The following WLS variants were observed in gnomAD, a reference collection of about 807,000 sequenced individuals.
The protein encoded by WLS is protein wntless homolog.
A neutral mutation model predicts 62.8 loss-of-function variants in WLS; 23 were observed. The ratio of observed to expected loss-of-function variants is 0.37; its 90% CI spans 0.26 to 0.52. WLS has a LOEUF of 0.52. Among genes scored for constraint, WLS ranks in the 20% least tolerant of loss-of-function variants. The pLI is 0.92. For missense variants in WLS, 615 were observed against 697.3 expected (o/e 0.88, Z 1.33); for synonymous variants, 246 against 244.1 (o/e 1.01, Z -0.07).
chr1:68,101,185 A>AG (rs1646073120), intron 11 of WLS, among the ~76,000 whole-genome samples: 1 of 152,204 alleles, frequency 6.6e-6, no homozygotes, highest in African/African-American at 2.4e-5. Context: ...TTCAGTTAAC[A>AG]GTAACATGGG....
intron 1 of WLS, among the ~76,000 whole-genome samples, chr1:68,226,322 T>A (rs759691522): frequency 8.5e-5 from 13 of 152,246 alleles, no homozygotes; most frequent in Non-Finnish European, 1.6e-4. Flanking sequence ...AGCTAGGTAA[T>A]CTTGTGCAGT....
intron 2 of WLS, among the ~76,000 whole-genome samples, chr1:68,191,756 A>G (rs1034365259): frequency 4.6e-5 from 7 of 152,324 alleles, no homozygotes; most frequent in African/African-American, 1.7e-4. Flanking sequence ...TAAAAGCTTG[A>G]GGCTGTTGTG....
intron 1 of WLS, 145 bp downstream of exon 1, chr1:68,232,046 TGGA>T: frequency 9.4e-7 from 1 of 1,060,622 alleles, no homozygotes; most frequent in Non-Finnish European, 1.3e-6. Context: ...CGGAGCCCCA[TGGA>T]GCTCTGCTTT....
intron 2 of WLS, among the ~76,000 whole-genome samples, chr1:68,173,859 C>A (rs559209936): frequency 8.5e-5 from 13 of 152,064 alleles, no homozygotes; most frequent in Non-Finnish European, 1.6e-4. Context: ...AGAGTCATGA[C>A]GTTTTTCTAG....
chr1:68,170,463 C>T (rs145572440), intron 2 of WLS, among the ~76,000 whole-genome samples: 109 of 152,136 alleles, frequency 7.2e-4, no homozygotes, highest in East Asian at 3.5e-3. Context: ...CCACCGCGCT[C>T]GGCCGCTGGC....
rs11290966 is a variant in WLS, at chr1:68,110,007, T to TAAAAAAA, written c.1511-11261_1511-11255dup. ...TTGCACTGGAACACAACACAAAAAG[T>TAAAAAAA]AAAAAAAAAAAAAAAAAAAAAAAAA... is the stretch of plus-strand genomic sequence containing the variant. On this transcript the variant is annotated intron_variant, in intron 11 of 11. Transcript: ENST00000354777. 3.7e-3 allele frequency among the ~76,000 whole-genome samples: 104 copies of TAAAAAAA among 28,336 alleles called. 2 individuals are homozygous for TAAAAAAA. Among genetic ancestry groups the TAAAAAAA allele is most frequent in the Non-Finnish European group, 4.3e-3 (68 of 15,912 alleles). 18.6% of individuals were successfully genotyped at this position (28,336 alleles called of 152,430 possible).
At chr1:68,152,961 C>T (rs1037454733) in intron 5 of WLS, among the ~76,000 whole-genome samples, 3 of 152,062 alleles carry the variant, frequency 2.0e-5, no homozygotes, top group East Asian at 1.9e-4. Flanking sequence ...CGGAATATCC[C>T]GAAGAGCAAA....
At chr1:68,170,160 CT>C (rs571306573) in intron 2 of WLS, among the ~76,000 whole-genome samples, 7,765 of 86,748 alleles carry the variant, frequency 0.09, 272 homozygotes, top group East Asian at 0.32. Context: ...GCTACTATTT[CT>C]TTTTTTTTTT....
At chr1:68,187,508 A>T (rs1648034879) in intron 2 of WLS, among the ~76,000 whole-genome samples, 1 of 152,186 alleles carries the variant, frequency 6.6e-6, no homozygotes, top group African/African-American at 2.4e-5. Context: ...ATATATAGAA[A>T]TGTTTTAAAG....
chr1:68,162,670 T>A, intron 2 of WLS: 1 of 1,238,052 alleles, frequency 8.1e-7, no homozygotes, highest in South Asian at 1.2e-5. Context: ...ATTGAGGATG[T>A]GGCAGATGGT....
chr1:68,121,282 A>AG (rs1372690702), downstream of WLS: 1 of 152,172 alleles, frequency 6.6e-6, no homozygotes, highest in Non-Finnish European at 1.5e-5. Context: ...CCATGTCTGG[A>AG]GGAGGGGTTC....
At chr1:68,148,429 A>T (rs1646780942) in intron 7 of WLS, 134 bp downstream of exon 7, 1 of 979,962 alleles carries the variant, frequency 1.0e-6, no homozygotes, top group Admixed American at 2.2e-5. Context: ...TTGTCTGAGG[A>T]TGTGACCACG....
chr1:68,165,524 A>G (rs1346094051), intron 2 of WLS, among the ~76,000 whole-genome samples: 2 of 152,168 alleles, frequency 1.3e-5, no homozygotes, highest in African/African-American at 4.8e-5. Context: ...CCCAAGAAGA[A>G]CTAGACAACC....
At chr1:68,125,067 T>C (rs899660293), downstream of WLS, among the ~76,000 whole-genome samples, 1 of 152,164 alleles carries the variant, frequency 6.6e-6, no homozygotes, top group Non-Finnish European at 1.5e-5. Context: ...GTGCAAGTGT[T>C]AAAATACAAC....
chr1:68,224,287 GA>G (rs1232221743), intron 1 of WLS, among the ~76,000 whole-genome samples: 3 of 152,186 alleles, frequency 2.0e-5, no homozygotes, highest in African/African-American at 7.2e-5. Flanking sequence ...AGTTTTGGGG[GA>G]TTGGGTGACA....
intron 1 of WLS, among the ~76,000 whole-genome samples, chr1:68,224,026 T>C (rs1476870127): frequency 6.6e-6 from 1 of 152,214 alleles, no homozygotes; most frequent in Non-Finnish European, 1.5e-5. Flanking sequence ...CCAAAACAAA[T>C]GTAATAACTT....
intron 1 of WLS, among the ~76,000 whole-genome samples, chr1:68,214,982 C>A (rs528299089): frequency 2.9e-4 from 44 of 152,296 alleles, no homozygotes; most frequent in South Asian, 1.0e-3. Flanking sequence ...TTCCTGGTAG[C>A]CTCCACACAA....
intron 1 of WLS, among the ~76,000 whole-genome samples, chr1:68,210,502 T>C (rs756170292): frequency 6.6e-6 from 1 of 152,186 alleles, no homozygotes; most frequent in African/African-American, 2.4e-5. Flanking sequence ...ACCATCGTAA[T>C]GTTCCAACTG....
intron 2 of WLS, chr1:68,186,713 T>A: frequency 2.2e-6 from 1 of 454,778 alleles, no homozygotes; most frequent in South Asian, 1.6e-5. Context: ...CATGCATTCT[T>A]AATACCAAAA....
Sources: allele counts gnomAD v4.1 joint callset (sites outside exome capture counted in the v4.1 genomes callset), GRCh38; gene constraint gnomAD v4.1.1; transcripts MANE v1.5; gene names NCBI Gene and HGNC (gene_info 2026-07-23, HGNC 2026-07-21).